The following PEX3 variants were observed in gnomAD, a reference collection of about 807,000 sequenced individuals.
PEX3 encodes peroxin-3.
A neutral mutation model predicts 55.8 loss-of-function variants in PEX3; 30 were observed. That is an observed-to-expected ratio of 0.54 (90% CI 0.40 to 0.73). PEX3 has a LOEUF of 0.73. PEX3 is among the 30% of genes least tolerant of loss of function. The probability of loss-of-function intolerance (pLI) is 0.00; values close to 1 mark genes in which losing one functional copy is unlikely to be tolerated. For missense variants in PEX3, 351 were observed against 432.8 expected (o/e 0.81, Z 1.68); for synonymous variants, 135 against 148.4 (o/e 0.91, Z 0.66).
At chr6:143,457,417 C>G (rs192968568) in intron 1 of PEX3, among the ~76,000 whole-genome samples, 17 of 152,224 alleles carry the variant, frequency 1.1e-4, no homozygotes, top group Admixed American at 6.5e-4. Context: ...TACTGTAGTT[C>G]TAATTGTTTT....
intron 2 of PEX3, among the ~76,000 whole-genome samples, chr6:143,460,584 G>T (rs1034494483): frequency 6.6e-6 from 1 of 152,120 alleles, no homozygotes; most frequent in South Asian, 2.1e-4. Context: ...AATAAAATGG[G>T]CCAGGCATGG....
chr6:143,479,275 TAAC>T lies in PEX3; in HGVS notation c.941+86_941+88del, dbSNP rs1375766023. 10 of 1,151,760 alleles carry T rather than the reference TAAC, an allele frequency of 8.7e-6. No individual in the cohort carries two copies. Among genetic ancestry groups the T allele is most frequent in the East Asian group, 2.4e-5 (1 of 41,920 alleles). The allele number at this position is 1,151,760 out of a possible 1,614,324, so 71.3% of individuals were successfully genotyped here. ...GCTTTGCTTGTCTTTTTGTTCCAGATAACAACAACAAACCTATTAAATTTGAGT... is the reference window on the plus strand; with the variant it reads ...GCTTTGCTTGTCTTTTTGTTCCAGATAACAACAAACCTATTAAATTTGAGT... On this transcript the variant is annotated intron_variant, in intron 10 of 11. Transcript: ENST00000367591. This position sits in a 1 kb window ranked among gnomAD's most constrained non-coding sequence, Gnocchi z 4.6.
At chr6:143,467,922 A>C (rs937518525) in intron 3 of PEX3, among the ~76,000 whole-genome samples, 200 bp from the exon 4 acceptor site, 6 of 152,184 alleles carry the variant, frequency 3.9e-5, no homozygotes, top group African/African-American at 9.6e-5. Flanking sequence ...GATTGTAAGA[A>C]TATATACCAG....
intron 9 of PEX3, 56 bp downstream of exon 9, chr6:143,474,912 A>T: frequency 1.1e-6 from 1 of 931,616 alleles, no homozygotes; most frequent in South Asian, 1.3e-5. Context: ...TGTACTTGAG[A>T]CTATTTTTTA....
At position 143,471,734 on chromosome 6, in the gene PEX3, T is replaced by G. The variant is rs113728509; in HGVS notation, c.578+123T>G. On this transcript the variant is annotated intron_variant, in intron 7 of 11. Transcript: ENST00000367591. The surrounding 1 kb of genome is among the most constrained non-coding windows in gnomAD (Gnocchi z 5.4). Reference sequence around the variant, plus strand: ...ATTTGTGAAACTCTTTGTAATAAAATCAGATACCATCCTAGGATATTGCAT... The same window carrying G: ...ATTTGTGAAACTCTTTGTAATAAAAGCAGATACCATCCTAGGATATTGCAT... 450 of 767,154 alleles carry G rather than the reference T, an allele frequency of 5.9e-4. 1 individual carries two copies. In the African/African-American group the frequency reaches 6.5e-3, roughly 11 times the overall value. The allele number at this position is 767,154 out of a possible 1,614,324, so 47.5% of individuals were successfully genotyped here.
intron 2 of PEX3, among the ~76,000 whole-genome samples, chr6:143,460,864 CAAAAAAAAAAA>C (rs57329535): frequency 1.3e-5 from 1 of 76,182 alleles, no homozygotes; most frequent in Non-Finnish European, 2.9e-5. Flanking sequence ...AACTCTGTCT[CAAAAAAAAAAA>C]AAAAAAAAAG....
In PEX3 at chr6:143,485,693, A is replaced by G. The variant is rs1445390710; in HGVS notation, c.1038+445A>G. Among the ~76,000 whole-genome samples, 1 of 152,116 alleles carries G rather than the reference A, an allele frequency of 6.6e-6. No individual in the cohort carries two copies. Among genetic ancestry groups the G allele is most frequent in the African/African-American group, 2.4e-5 (1 of 41,442 alleles). On this transcript the variant is annotated intron_variant, in intron 11 of 11. Coordinates refer to ENST00000367591, the MANE Select transcript of PEX3 (RefSeq NM_003630.3). This position sits in a 1 kb window ranked among gnomAD's most constrained non-coding sequence, Gnocchi z 5.6. ...ATAGTGCATCAATAATATGCTCACT[A>G]AAAGCCACATAAACAGTGGGTCATT...
rs1420947555 is a variant in PEX3, at chr6:143,482,273, A to G, written c.942-2879A>G. ...TACTGAGTGTTCTTACCATTTTAAT[A>G]AACTGTTAGTTGACCGTTGGTTTTC... On this transcript the variant is annotated intron_variant, in intron 10 of 11. Transcript: ENST00000367591. The surrounding 1 kb of genome is among the most constrained non-coding windows in gnomAD (Gnocchi z 5.5). Among the ~76,000 whole-genome samples, 1 of 152,166 alleles carries G rather than the reference A, an allele frequency of 6.6e-6. No individual in the cohort carries two copies. Among genetic ancestry groups the G allele is most frequent in the African/African-American group, 2.4e-5 (1 of 41,454 alleles).
chr6:143,473,567 A>G (rs1023410019), intron 8 of PEX3, among the ~76,000 whole-genome samples: 3 of 152,204 alleles, frequency 2.0e-5, no homozygotes, highest in Admixed American at 2.0e-4. Flanking sequence ...TAGATTGATG[A>G]AAAAAGACAC....
In PEX3 at chr6:143,459,075, A is replaced by T. The variant is rs570021822; in HGVS notation, c.74-10A>T. On this transcript the variant is annotated splice_polypyrimidine_tract_variant and intron_variant, in intron 1 of 11. Coordinates refer to ENST00000367591, the MANE Select transcript of PEX3 (RefSeq NM_003630.3). The surrounding 1 kb of genome is among the most constrained non-coding windows in gnomAD (Gnocchi z 4.2). ...CTCTAATGAATATAGTACTTTTTTA[A>T]TGATTGTAGGAGTATATATTCTGGG... The T allele has an allele frequency of 7.7e-6, 12 of 1,560,604 alleles. No homozygotes were observed. The African/African-American group carries it at 1.4e-4, about 18-fold the overall frequency.
In PEX3 at chr6:143,459,620, T is replaced by G. The variant is rs1779892694; in HGVS notation, c.205+404T>G. 6.6e-6 allele frequency among the ~76,000 whole-genome samples: 1 copy of G among 152,180 alleles called. No individual in the cohort carries two copies. Among genetic ancestry groups the G allele is most frequent in the African/African-American group, 2.4e-5 (1 of 41,452 alleles). On this transcript the variant is annotated intron_variant, in intron 2 of 11. Transcript: ENST00000367591. The surrounding 1 kb of genome is among the most constrained non-coding windows in gnomAD (Gnocchi z 4.2). ...CAGGGGATCAGTAGAGTCAGGTTTC[T>G]TTGAGGTAACATTTGAGCAGAAACC... is the stretch of plus-strand genomic sequence containing the variant.
chr6:143,459,107 T>C lies in PEX3; in HGVS notation c.96T>C (p.Tyr32=), dbSNP rs201718910. The C allele has an allele frequency of 1.3e-5, 20 of 1,596,916 alleles. No homozygotes were observed. The highest frequency in any genetic ancestry group is 1.3e-5 in the African/African-American group (1 of 74,618). ...VLGGVYILGK[Y]GQKKIREIQE... The stretch of plus-strand genomic sequence containing the variant: ...TAGGAGTATATATTCTGGGGAAATA[T>C]GGACAGAAGAAAATCAGAGAAATAC... Residue 32 remains tyrosine, a synonymous_variant, in exon 2 of 12, where the codon TAT becomes TAC. Transcript: ENST00000367591. The surrounding 1 kb of genome is among the most constrained non-coding windows in gnomAD (Gnocchi z 4.2).
chr6:143,467,096 A>ATATATAC (rs1554281311), intron 3 of PEX3, among the ~76,000 whole-genome samples: 2 of 152,052 alleles, frequency 1.3e-5, no homozygotes, highest in Non-Finnish European at 2.9e-5. Flanking sequence ...CCTTAGTAGG[A>ATATATAC]TATATACTCT....
chr6:143,477,383 ATGCTCAATAAGTATTTAC>A (rs1418860680), intron 9 of PEX3, among the ~76,000 whole-genome samples: 1 of 152,156 alleles, frequency 6.6e-6, no homozygotes, highest in Non-Finnish European at 1.5e-5. Flanking sequence ...CATGTAGTAG[ATGCTCAATAAGTATTTAC>A]TGAATTGATA....
rs189851136 is a variant in PEX3, at chr6:143,479,818, G to C, written c.941+620G>C. Among the ~76,000 whole-genome samples the C allele has an allele frequency of 2.5e-3, 375 of 152,022 alleles. 1 individual carries two copies. The highest frequency in any genetic ancestry group is 8.6e-3 in the African/African-American group (357 of 41,472). The stretch of plus-strand genomic sequence containing the variant: ...TGTTATCCCAACACAAATATCTTTG[G>C]TCTCATATTAGAATTTATACTCTTT... On this transcript the variant is annotated intron_variant, in intron 10 of 11. Transcript: ENST00000367591. This position sits in a 1 kb window ranked among gnomAD's most constrained non-coding sequence, Gnocchi z 4.6.
At chr6:143,467,803 C>G (rs1780012322) in intron 3 of PEX3, among the ~76,000 whole-genome samples, 1 of 151,964 alleles carries the variant, frequency 6.6e-6, no homozygotes, top group African/African-American at 2.4e-5. Context: ...ATTATAGGAC[C>G]TACTTCATTA....
At chr6:143,461,191 G>A (rs1779913608) in intron 2 of PEX3, among the ~76,000 whole-genome samples, 1 of 152,176 alleles carries the variant, frequency 6.6e-6, no homozygotes, top group Non-Finnish European at 1.5e-5. Flanking sequence ...GAGTCTGCAA[G>A]CCAAAGTTTC....
In PEX3 at chr6:143,468,139, A is replaced by C; in HGVS notation, c.305A>C (p.Glu102Ala). ...TTCTTTAGGCCTTCAAACAAGCTAG[A>C]AATATGGGAGGATCTGAAGATAATA... ...LLKNRPSNKL[E>A]IWEDLKIISF... Residue 102 changes from glutamate to alanine, a missense_variant, in exon 4 of 12, where the codon GAA becomes GCA. Physicochemically the swap from Glu to Ala is moderately radical, Grantham distance 107 (BLOSUM62 -1). Transcript: ENST00000367591. 6.3e-7 allele frequency: 1 copy of C among 1,581,240 alleles called. No individual in the cohort carries two copies. Among genetic ancestry groups the C allele is most frequent in the Non-Finnish European group, 8.7e-7 (1 of 1,151,464 alleles).
chr6:143,474,023 T>C (rs922408530), intron 8 of PEX3, among the ~76,000 whole-genome samples: 1 of 151,928 alleles, frequency 6.6e-6, no homozygotes, highest in Non-Finnish European at 1.5e-5. Flanking sequence ...TAACTACTAC[T>C]TAGGAAGCTG....
Sources: gnomAD v4.1 joint callset for allele counts (sites outside exome capture counted in the v4.1 genomes callset) on GRCh38, gnomAD v4.1.1 for gene constraint, Gnocchi (gnomAD v3.1) non-coding constraint, MANE v1.5 for transcripts, NCBI Gene and HGNC (gene_info 2026-07-23, HGNC 2026-07-21) for gene names.